Variants in NUP35 observed in about 807,000 individuals in gnomAD.
NUP35 encodes the protein nucleoporin NUP35.
In NUP35, 25 loss-of-function variants were observed where a neutral mutation model predicts 41.5. The observed-to-expected ratio is 0.60, with a 90% CI of 0.44 to 0.84. The LOEUF (loss-of-function observed/expected upper bound fraction) is 0.84, where lower values mean the gene tolerates loss of function less well. Ranked by LOEUF, NUP35 falls within the 40% of genes least tolerant of loss-of-function variation. The pLI, the probability that NUP35 is intolerant of heterozygous loss-of-function variation, is 0.00. For missense variants in NUP35, 396 were observed against 396.6 expected (o/e 1.00, Z 0.01); for synonymous variants, 149 against 130.7 (o/e 1.14, Z -0.96).
chr2:183,148,662 A>T (rs1377801875), intron 4 of NUP35, among the ~76,000 whole-genome samples: 1 of 152,002 alleles, frequency 6.6e-6, no homozygotes, highest in Admixed American at 6.6e-5. Flanking sequence ...AAATATATCT[A>T]TAGATATATT....
chr2:183,159,905 C>T, intron 8 of NUP35: 1 of 404,890 alleles, frequency 2.5e-6, no homozygotes, highest in Non-Finnish European at 4.4e-6. Flanking sequence ...TTAGCTTTTT[C>T]TAAGTTATAT....
intron 1 of NUP35, among the ~76,000 whole-genome samples, chr2:183,125,128 A>G (rs1421109313): frequency 2.0e-5 from 3 of 151,926 alleles, no homozygotes; most frequent in Non-Finnish European, 4.4e-5. Context: ...ATTTGGGGAA[A>G]GTGACTCTTA....
chr2:183,138,269 A>ATATATATATTT, intron 4 of NUP35, among the ~76,000 whole-genome samples: 8 of 80,690 alleles, frequency 9.9e-5, no homozygotes, highest in African/African-American at 4.9e-4. Context: ...ATATATATAT[A>ATATATATATTT]TTTTTTTTTT....
intron 1 of NUP35, among the ~76,000 whole-genome samples, chr2:183,124,767 G>T (rs1575110051): frequency 1.3e-5 from 2 of 152,278 alleles, no homozygotes; most frequent in East Asian, 1.9e-4. Context: ...GCCCCCACAC[G>T]CCAGCCACGT....
intron 4 of NUP35, among the ~76,000 whole-genome samples, chr2:183,138,828 A>G (rs1323984269): frequency 6.6e-6 from 1 of 152,226 alleles, no homozygotes; most frequent in East Asian, 1.9e-4. Flanking sequence ...TAAGCGTGAT[A>G]TTAAGTGATA....
intron 4 of NUP35, among the ~76,000 whole-genome samples, chr2:183,143,088 G>A (rs112079830): frequency 4.0e-5 from 6 of 150,672 alleles, no homozygotes; most frequent in Non-Finnish European, 8.9e-5. Flanking sequence ...CCCGGGAGGC[G>A]GAGCTTGCAG....
At position 183,156,692 on chromosome 2, in the gene NUP35, C is replaced by T. The variant is rs185602089; in HGVS notation, c.540-752C>T. ...TGGTTTCTGATTTATTTTTGAGACT[C>T]GAATTTTTTTTTTTCTTTAGGGTTC... On this transcript the variant is annotated intron_variant, in intron 5 of 8. Coordinates refer to ENST00000295119, the MANE Select transcript of NUP35 (RefSeq NM_138285.5). Among the ~76,000 whole-genome samples, 75 of 137,120 alleles carry T rather than the reference C, an allele frequency of 5.5e-4. 1 individual carries two copies. In the East Asian group the frequency reaches 0.013, roughly 23 times the overall value. The allele number at this position is 137,120 out of a possible 152,430, so 90.0% of individuals were successfully genotyped here. A position where few individuals can be genotyped will look rare whatever the true frequency, so the allele number is the denominator to read the frequency against.
intron 4 of NUP35, among the ~76,000 whole-genome samples, chr2:183,137,207 GA>G (rs1229080060): frequency 6.6e-6 from 1 of 152,190 alleles, no homozygotes; most frequent in African/African-American, 2.4e-5. Context: ...GAATGTCTAG[GA>G]AAATTAGTGC....
intron 5 of NUP35, 49 bp downstream of exon 5, chr2:183,151,698 T>C (rs144014501): frequency 2.0e-6 from 3 of 1,523,136 alleles, no homozygotes; most frequent in Admixed American, 1.9e-5. Flanking sequence ...CCTAACATTT[T>C]ATAATGAATA....
chr2:183,117,744 T>C (rs918586320), intron 1 of NUP35: 2 of 152,224 alleles, frequency 1.3e-5, no homozygotes, highest in Non-Finnish European at 1.5e-5. Flanking sequence ...ATACAAACAC[T>C]GCATATTGTT....
chr2:183,152,032 C>T (rs934417847), intron 5 of NUP35, among the ~76,000 whole-genome samples: 4 of 150,944 alleles, frequency 2.6e-5, no homozygotes, highest in South Asian at 4.2e-4. Flanking sequence ...TAGGGAACTC[C>T]TTCCCCTTTT....
intron 5 of NUP35, among the ~76,000 whole-genome samples, chr2:183,156,743 TTAGA>T (rs564533369): frequency 7.6e-4 from 116 of 152,240 alleles, no homozygotes; most frequent in Non-Finnish European, 9.6e-4. Context: ...ATAACTGAAG[TTAGA>T]TAGCCATTTC....
rs370324066 is a variant in NUP35 at position 183,124,454 on chromosome 2, C to G, written c.-4C>G. On this transcript the variant is annotated 5_prime_UTR_variant, in exon 1 of 9. Transcript: ENST00000295119. ...TACTGGTTTTAAGTGTAGTTGCCGA[C>G]GCAATGGCAGCCTTTGCAGTGGAAC... 1.1e-5 allele frequency: 18 copies of G among 1,614,030 alleles called. No individual in the cohort carries two copies. In the African/African-American group the frequency reaches 2.3e-4, roughly 20 times the overall value.
intron 4 of NUP35, 60 bp downstream of exon 4, chr2:183,133,683 AC>A: frequency 2.5e-6 from 3 of 1,218,338 alleles, no homozygotes; most frequent in Non-Finnish European, 3.4e-6. Context: ...TCTGCTACCC[AC>A]GCTGGAGTGC....
intron 1 of NUP35, among the ~76,000 whole-genome samples, chr2:183,124,984 C>T (rs753682222): frequency 1.6e-4 from 24 of 149,588 alleles, no homozygotes; most frequent in Non-Finnish European, 2.8e-4. Flanking sequence ...TCCTCTCTCC[C>T]GGGCTTTGCC....
At chr2:183,139,754 G>A (rs1053056032) in intron 4 of NUP35, among the ~76,000 whole-genome samples, 6 of 152,206 alleles carry the variant, frequency 3.9e-5, no homozygotes, top group Middle Eastern at 3.2e-3. Context: ...AAAGGTGGAG[G>A]AGGCAAGCGG....
At chr2:183,148,718 G>A (rs1199601737) in intron 4 of NUP35, among the ~76,000 whole-genome samples, 1 of 152,080 alleles carries the variant, frequency 6.6e-6, no homozygotes, top group Non-Finnish European at 1.5e-5. Context: ...GAGTGCAGTG[G>A]CATGATCTTG....
Position 183,130,933 on chromosome 2 carries a change from A to C in NUP35, c.339+388A>C. On this transcript the variant is annotated intron_variant, in intron 3 of 8. Transcript: ENST00000295119. ...AATGAAAATTTAGAGTTTCATCTAG[A>C]TCTAGGGCACTCGTCAGCTGAGAAG... The C allele has an allele frequency of 6.1e-6, 7 of 1,147,324 alleles. No individual in the cohort carries two copies. In the South Asian group the frequency reaches 1.1e-4, roughly 17 times the overall value. The allele number at this position is 1,147,324 out of a possible 1,614,324, so 71.1% of individuals were successfully genotyped here.
chr2:183,150,715 A>T, intron 4 of NUP35, among the ~76,000 whole-genome samples: 1 of 151,430 alleles, frequency 6.6e-6, no homozygotes, highest in African/African-American at 2.4e-5. Context: ...TTTTGTTTTT[A>T]TTTGTCTAAT....
Sources: allele counts gnomAD v4.1 joint callset (sites outside exome capture counted in the v4.1 genomes callset), GRCh38; gene constraint gnomAD v4.1.1; transcripts MANE v1.5; gene names NCBI Gene and HGNC (gene_info 2026-07-23, HGNC 2026-07-21).